The following NYAP2 variants were observed in gnomAD, a reference collection of about 807,000 sequenced individuals.
NYAP2 encodes neuronal tyrosine-phosphorylated phosphoinositide-3-kinase adapter 2.
A neutral mutation model predicts 50.4 loss-of-function variants in NYAP2; 23 were observed. The ratio of observed to expected loss-of-function variants is 0.46; its 90% CI spans 0.33 to 0.65. NYAP2 has a LOEUF of 0.65. Ranked by LOEUF, NYAP2 falls within the 30% of genes least tolerant of loss-of-function variation. NYAP2 has a pLI of 0.02. For missense variants in NYAP2, 885 were observed against 861.0 expected, an observed-to-expected ratio of 1.03 and a Z score of -0.35; for synonymous variants, 394 against 365.2, an observed-to-expected ratio of 1.08 and a Z score of -0.90.
Position 225,451,103 on chromosome 2 carries a change from T to A in NYAP2, c.221+42002T>A, listed in dbSNP as rs567118661. On this transcript the variant is annotated intron_variant, in intron 3 of 6. Transcript: ENST00000636099. ...AAAGAGAATAATTTTCAAAAATGAA[T>A]TAAATTAAAAGGAAAGGTGGAAACC... is the stretch of plus-strand genomic sequence containing the variant. 2.4e-4 allele frequency among the ~76,000 whole-genome samples: 36 copies of A among 152,144 alleles called. No homozygotes were observed. The Middle Eastern group carries it at 0.01, about 43-fold the overall frequency.
intron 3 of NYAP2, among the ~76,000 whole-genome samples, chr2:225,474,316 C>A (rs1244269669): frequency 6.6e-6 from 1 of 152,098 alleles, no homozygotes; most frequent in African/African-American, 2.4e-5. Flanking sequence ...TCCATATGAA[C>A]TTTAAAGTAG....
At chr2:225,415,530 T>G (rs1468333156) in intron 3 of NYAP2, among the ~76,000 whole-genome samples, 1 of 152,144 alleles carries the variant, frequency 6.6e-6, no homozygotes, top group Admixed American at 6.5e-5. Flanking sequence ...ACTTCTGGGA[T>G]CATACCCATG....
intron 3 of NYAP2, among the ~76,000 whole-genome samples, chr2:225,489,336 G>A (rs1231591442): frequency 1.3e-5 from 2 of 151,876 alleles, no homozygotes; most frequent in African/African-American, 2.4e-5. Flanking sequence ...TGGGATTACA[G>A]GTGCCCGCCA....
intron 3 of NYAP2, among the ~76,000 whole-genome samples, chr2:225,451,955 TACACACACACGTATATATAC>T (rs1689661355): frequency 6.6e-6 from 1 of 151,916 alleles, no homozygotes; most frequent in African/African-American, 2.4e-5. Context: ...TATATGCACA[TACACACACACGTATATATAC>T]ACACACACAC....
chr2:225,543,507 G>A (rs1691512600), intron 4 of NYAP2, among the ~76,000 whole-genome samples: 1 of 151,642 alleles, frequency 6.6e-6, no homozygotes, highest in Admixed American at 6.6e-5. Context: ...TTTCTTCTTG[G>A]ACCCACTGGT....
intron 4 of NYAP2, among the ~76,000 whole-genome samples, chr2:225,581,005 G>A (rs1284583278): frequency 6.6e-6 from 1 of 152,202 alleles, no homozygotes; most frequent in Non-Finnish European, 1.5e-5. Context: ...TTCCTTGCAT[G>A]CTAAACAACT....
intron 3 of NYAP2, among the ~76,000 whole-genome samples, chr2:225,475,533 A>G (rs1230189905): frequency 2.0e-5 from 3 of 152,260 alleles, no homozygotes; most frequent in African/African-American, 4.8e-5. Flanking sequence ...CTGAAAGGCA[A>G]GAATGGTATT....
intron 3 of NYAP2, among the ~76,000 whole-genome samples, chr2:225,500,246 A>G (rs1364582045): frequency 1.3e-5 from 2 of 152,222 alleles, no homozygotes; most frequent in Admixed American, 6.5e-5. Flanking sequence ...TTGCAGTCAT[A>G]AAGAGGTGTG....
At chr2:225,535,064 C>T (rs1236441801) in intron 4 of NYAP2, among the ~76,000 whole-genome samples, 1 of 152,154 alleles carries the variant, frequency 6.6e-6, no homozygotes, top group Non-Finnish European at 1.5e-5. Flanking sequence ...TACATAATGG[C>T]CTGAGATCAG....
chr2:225,490,737 C>A (rs145918797), intron 3 of NYAP2, among the ~76,000 whole-genome samples: 80 of 152,304 alleles, frequency 5.3e-4, no homozygotes, highest in African/African-American at 1.9e-3. Context: ...ACATTGCAAT[C>A]AATGTAAATT....
intron 5 of NYAP2, among the ~76,000 whole-genome samples, chr2:225,583,340 T>G (rs149261430): frequency 5.4e-4 from 82 of 152,138 alleles, no homozygotes; most frequent in African/African-American, 2.0e-3. Context: ...ACAGTGAAAA[T>G]AGGGACCACT....
the NYAP2 span, among the ~76,000 whole-genome samples, chr2:225,678,051 T>C: frequency 6.6e-6 from 1 of 152,142 alleles, no homozygotes; most frequent in Non-Finnish European, 1.5e-5. Context: ...TCCAGGTCTC[T>C]TTTTTGGTTG....
intron 3 of NYAP2, among the ~76,000 whole-genome samples, chr2:225,508,098 C>T (rs892556899): frequency 6.6e-6 from 1 of 152,302 alleles, no homozygotes; most frequent in South Asian, 2.1e-4. Flanking sequence ...AACCAACAGA[C>T]AAGTAGATCT....
chr2:225,409,497 C>T (rs771894622), intron 3 of NYAP2, among the ~76,000 whole-genome samples: 1 of 152,002 alleles, frequency 6.6e-6, no homozygotes, highest in African/African-American at 2.4e-5. Flanking sequence ...TAGAGCTCAT[C>T]TTCTTTCTAG....
At chr2:225,550,064 G>T (rs1691645372) in intron 4 of NYAP2, among the ~76,000 whole-genome samples, 2 of 152,120 alleles carry the variant, frequency 1.3e-5, no homozygotes, top group South Asian at 2.1e-4. Context: ...CTCAGGCTCA[G>T]TCAAATGTAA....
the NYAP2 span, chr2:225,701,672 A>C: frequency 3.3e-5 from 5 of 151,790 alleles, no homozygotes; most frequent in African/African-American, 1.2e-4. Flanking sequence ...AATGAAGGTT[A>C]ATACTCACCC....
chr2:225,668,503 C>T, the NYAP2 span, among the ~76,000 whole-genome samples: 15 of 152,126 alleles, frequency 9.9e-5, no homozygotes, highest in Non-Finnish European at 2.1e-4. Flanking sequence ...CTTGTATTTT[C>T]TCTTAGAAAA....
At chr2:225,531,578 G>T (rs1207363062) in intron 4 of NYAP2, among the ~76,000 whole-genome samples, 1 of 152,158 alleles carries the variant, frequency 6.6e-6, no homozygotes, top group Non-Finnish European at 1.5e-5. Flanking sequence ...TGATGAATGG[G>T]AACATTTTGA....
intron 4 of NYAP2, among the ~76,000 whole-genome samples, chr2:225,574,621 C>T (rs1005479508): frequency 2.0e-5 from 3 of 152,086 alleles, no homozygotes; most frequent in African/African-American, 7.3e-5. Context: ...CCTGTCTAAA[C>T]AGTGTTGCCA....
Sources: allele counts gnomAD v4.1 joint callset (sites outside exome capture counted in the v4.1 genomes callset), GRCh38; gene constraint gnomAD v4.1.1; transcripts MANE v1.5; gene names NCBI Gene and HGNC (gene_info 2026-07-23, HGNC 2026-07-21).